TNR: variants seen among roughly 807,000 people sequenced by gnomAD.
TNR encodes the protein tenascin R, also known as tenascin-R.
Under a neutral mutation model 150.4 loss-of-function variants are expected in TNR, and 45 were observed. That is an observed-to-expected ratio of 0.30 (90% CI 0.24 to 0.38). TNR has a LOEUF of 0.38. Among genes scored for constraint, TNR ranks in the 10% least tolerant of loss-of-function variants. The pLI is 1.00. For missense variants in TNR, 1,544 were observed against 1,759.1 expected (o/e 0.88, Z 2.19); for synonymous variants, 687 against 678.4 (o/e 1.01, Z -0.20).
At chr1:175,383,364 C>G (rs982934273) in intron 8 of TNR, among the ~76,000 whole-genome samples, 2 of 152,202 alleles carry the variant, frequency 1.3e-5, no homozygotes, top group Non-Finnish European at 2.9e-5. Context: ...TGACCAGATG[C>G]CCTGGTGACT....
intron 2 of TNR, among the ~76,000 whole-genome samples, chr1:175,473,242 A>G (rs145902971): frequency 1.3e-3 from 203 of 152,308 alleles, no homozygotes; most frequent in African/African-American, 4.8e-3. Flanking sequence ...TTCTTTCCCC[A>G]GCTGCCAAAT....
chr1:175,425,858 T>C (rs1185395384), intron 2 of TNR, among the ~76,000 whole-genome samples: 1 of 152,142 alleles, frequency 6.6e-6, no homozygotes, highest in Non-Finnish European at 1.5e-5. Flanking sequence ...CAGGGCATTA[T>C]TGGGGTTAAA....
chr1:175,364,447 C>T lies in TNR; in HGVS notation c.2587+563G>A, dbSNP rs78335686. 3.3e-3 allele frequency among the ~76,000 whole-genome samples: 495 copies of T among 152,176 alleles called. 3 individuals carry two copies. The highest frequency in any genetic ancestry group is 0.011 in the African/African-American group (477 of 41,522). On this transcript the variant is annotated intron_variant, in intron 12 of 22. Coordinates refer to ENST00000367674, the MANE Select transcript of TNR (RefSeq NM_003285.3). The stretch of plus-strand genomic sequence containing the variant: ...AACTACCCAAACATACATATCTTCA[C>T]CCACATGTACCTCATATTTGAAACT...
chr1:175,524,600 C>A (rs1450361812), intron 2 of TNR, among the ~76,000 whole-genome samples: 5 of 152,016 alleles, frequency 3.3e-5, no homozygotes, highest in Admixed American at 6.5e-5. Flanking sequence ...CAGGAGGAAC[C>A]CTTTCTCTCC....
intron 1 of TNR, among the ~76,000 whole-genome samples, chr1:175,584,739 G>T (rs1208090047): frequency 6.6e-6 from 1 of 152,090 alleles, no homozygotes; most frequent in Non-Finnish European, 1.5e-5. Flanking sequence ...CATAATAATT[G>T]GCATGTGATA....
chr1:175,471,467 G>T (rs184460523), intron 2 of TNR, among the ~76,000 whole-genome samples: 1 of 152,280 alleles, frequency 6.6e-6, no homozygotes, highest in East Asian at 1.9e-4. Flanking sequence ...CTCCTACCCT[G>T]TAAACCTGCG....
At chr1:175,691,642 C>A (rs753700732) in intron 1 of TNR, among the ~76,000 whole-genome samples, 1 of 152,064 alleles carries the variant, frequency 6.6e-6, no homozygotes, top group Non-Finnish European at 1.5e-5. Flanking sequence ...TTTTTCAGCC[C>A]CAAACTTGGT....
rs1648961309 is a variant in TNR at position 175,320,140 on chromosome 1, T to A, written c.*3217A>T. 6.6e-6 allele frequency: 1 copy of A among 152,328 alleles called. No homozygotes were observed. Among genetic ancestry groups the A allele is most frequent in the Admixed American group, 6.5e-5 (1 of 15,284 alleles). 9.4% of individuals were successfully genotyped at this position (152,328 alleles called of 1,614,324 possible). Reference sequence around the variant, plus strand: ...AGCCTCTGAGAAGGGTCTACCTCGATTCCTTTTGAGTCCCTTGAGGGAAAC... The same window carrying A: ...AGCCTCTGAGAAGGGTCTACCTCGAATCCTTTTGAGTCCCTTGAGGGAAAC... On this transcript the variant is annotated 3_prime_UTR_variant, in exon 23 of 23. Transcript: ENST00000367674.
intron 1 of TNR, among the ~76,000 whole-genome samples, chr1:175,545,786 G>A (rs902652020): frequency 1.3e-5 from 2 of 152,168 alleles, no homozygotes; most frequent in South Asian, 2.1e-4. Context: ...AGTAGCAAAC[G>A]GAGGCCATCC....
chr1:175,502,921 A>G (rs1658797964), intron 2 of TNR, among the ~76,000 whole-genome samples: 1 of 150,298 alleles, frequency 6.7e-6, no homozygotes, highest in South Asian at 2.1e-4. Flanking sequence ...AACCAAGGAT[A>G]TTCTTTGTTT....
chr1:175,666,538 G>A (rs1166996728), intron 1 of TNR, among the ~76,000 whole-genome samples: 1 of 152,188 alleles, frequency 6.6e-6, no homozygotes, highest in African/African-American at 2.4e-5. Flanking sequence ...CTAGAGAGCT[G>A]CCCGGTGCTC....
At chr1:175,591,247 G>A (rs962804105) in intron 1 of TNR, among the ~76,000 whole-genome samples, 26 of 152,320 alleles carry the variant, frequency 1.7e-4, no homozygotes, top group African/African-American at 5.8e-4. Flanking sequence ...GCCCTAGCTT[G>A]GATGGCAGCC....
intron 2 of TNR, among the ~76,000 whole-genome samples, chr1:175,427,972 TG>T (rs768303534): frequency 4.0e-5 from 6 of 149,448 alleles, no homozygotes; most frequent in Non-Finnish European, 8.9e-5. Flanking sequence ...CACCAAAAAA[TG>T]CATTACAGCA....
At chr1:175,371,664 T>G (rs1031274008) in intron 9 of TNR, among the ~76,000 whole-genome samples, 2 of 152,200 alleles carry the variant, frequency 1.3e-5, no homozygotes, top group African/African-American at 2.4e-5. Context: ...TTCTTAAAGA[T>G]TCACACGTTA....
rs1265555432 is a variant in TNR at position 175,316,319 on chromosome 1, A to G, written c.*7038T>C. 6.6e-6 allele frequency: 1 copy of G among 152,214 alleles called. No individual in the cohort carries two copies. Among genetic ancestry groups the G allele is most frequent in the Non-Finnish European group, 1.5e-5 (1 of 68,052 alleles). The allele number at this position is 152,214 out of a possible 1,614,324, so 9.4% of individuals were successfully genotyped here. On this transcript the variant is annotated 3_prime_UTR_variant, in exon 23 of 23. Coordinates refer to ENST00000367674, the MANE Select transcript of TNR (RefSeq NM_003285.3). ...AGAAACCAGGGGGATAAGTAAACTG[A>G]ATGTATCTCCTGCCTTCTAGCCTCA...
rs1663557701 is a variant in TNR at position 175,610,452 on chromosome 1, A to C, written c.-164-82083T>G. Among the ~76,000 whole-genome samples, 3 of 152,246 alleles carry C rather than the reference A, an allele frequency of 2.0e-5. No individual in the cohort carries two copies. In the South Asian group the frequency reaches 6.2e-4, roughly 31 times the overall value. ...CCAATTGAAACAAAAATGCTTGTTA[A>C]CCAAACTTTAGTTAAGCTTCTCTTC... On this transcript the variant is annotated intron_variant, in intron 1 of 22. Coordinates refer to ENST00000367674, the MANE Select transcript of TNR (RefSeq NM_003285.3).
Position 175,495,519 on chromosome 1 carries a change from G to A in TNR, c.-64+32750C>T, listed in dbSNP as rs188051917. Among the ~76,000 whole-genome samples the A allele has an allele frequency of 2.0e-5, 3 of 152,222 alleles. No homozygotes were observed. In the East Asian group the frequency reaches 5.8e-4, roughly 29 times the overall value. The stretch of plus-strand genomic sequence containing the variant: ...ATTATTGAAGGCATGAGTGAGCATG[G>A]GGCCCAACAGTCACCAAATTACTGA... On this transcript the variant is annotated intron_variant, in intron 2 of 22. Transcript: ENST00000367674.
intron 4 of TNR, among the ~76,000 whole-genome samples, chr1:175,400,857 G>A (rs1027388053): frequency 6.6e-6 from 1 of 152,102 alleles, no homozygotes; most frequent in African/African-American, 2.4e-5. Flanking sequence ...GCAAGCAAAG[G>A]AGCACTTTAG....
At chr1:175,619,777 A>G (rs965154885) in intron 1 of TNR, among the ~76,000 whole-genome samples, 2 of 152,242 alleles carry the variant, frequency 1.3e-5, no homozygotes, top group African/African-American at 4.8e-5. Context: ...GTAGTAATCA[A>G]ATATTTTCCT....
Sources: allele counts gnomAD v4.1 joint callset (sites outside exome capture counted in the v4.1 genomes callset), GRCh38; gene constraint gnomAD v4.1.1; transcripts MANE v1.5; gene names NCBI Gene and HGNC (gene_info 2026-07-23, HGNC 2026-07-21).